The following SYNRG variants were observed in gnomAD, a reference collection of about 807,000 sequenced individuals.
SYNRG encodes the protein AP1 gamma subunit binding protein 1.
In SYNRG, 37 loss-of-function variants were observed where a neutral mutation model predicts 130.9. That is an observed-to-expected ratio of 0.28 (90% confidence interval 0.22 to 0.37). The LOEUF (loss-of-function observed/expected upper bound fraction) is 0.37. Ranked by LOEUF, SYNRG falls within the 10% of genes least tolerant of loss-of-function variation. The pLI is 1.00. For missense variants in SYNRG, 1,338 were observed against 1,588.9 expected (o/e 0.84, Z 2.68); for synonymous variants, 539 against 568.1 (o/e 0.95, Z 0.73).
chr17:37,542,586 C>A (rs769276080), intron 14 of SYNRG, 21 bp from the exon 15 acceptor site: 1 of 1,589,716 alleles, frequency 6.3e-7, no homozygotes, highest in Admixed American at 1.7e-5. Context: ...AATAAGACCC[C>A]ACAATTAGAG....
rs2057809309 is a variant in SYNRG, at chr17:37,542,070, C to G, written c.3104G>C (p.Ser1035Thr). ...AGTGGCTACTAAGAAGTCAAATTTG[C>G]TGATTTTGGGCTTTTCACTTTGAAA... ...GEFQSEKPKISKFDFLVATSQ... is the reference protein window; with the variant it reads ...GEFQSEKPKITKFDFLVATSQ... Residue 1035 changes from serine (S) to threonine (T), a missense_variant, in exon 15 of 22, where the codon AGC (serine) becomes ACC (threonine). By Grantham distance (58) the Ser-to-Thr change is moderately conservative (BLOSUM62 1). This residue lies in a region of SYNRG where 1,146 missense variants were observed against 1,342.3 expected (regional missense o/e 0.85). Transcript: ENST00000612223. 2.5e-6 allele frequency: 4 copies of G among 1,614,074 alleles called. No individual in the cohort carries two copies. Among genetic ancestry groups the G allele is most frequent in the Non-Finnish European group, 3.4e-6 (4 of 1,180,034 alleles).
At chr17:37,600,299 T>C in intron 2 of SYNRG, 64 bp downstream of exon 2, 2 of 1,417,440 alleles carry the variant, frequency 1.4e-6, no homozygotes, top group Non-Finnish European at 1.9e-6. Flanking sequence ...TTTACTTATT[T>C]AATTCCCAGA....
At chr17:37,548,581 G>A (rs536329391) in intron 14 of SYNRG, among the ~76,000 whole-genome samples, 3 of 152,254 alleles carry the variant, frequency 2.0e-5, no homozygotes, top group African/African-American at 7.2e-5. Flanking sequence ...ACTTTGGGAG[G>A]CCGAGGCAGG....
chr17:37,583,700 T>C (rs1002535542), intron 6 of SYNRG, among the ~76,000 whole-genome samples: 1 of 152,190 alleles, frequency 6.6e-6, no homozygotes, highest in Non-Finnish European at 1.5e-5. Flanking sequence ...ATTTGTTTTT[T>C]GTTGTTTTTT....
At chr17:37,557,051 A>AT (rs2059172762) in intron 13 of SYNRG, 1 of 152,214 alleles carries the variant, frequency 6.6e-6, no homozygotes, top group Non-Finnish European at 1.5e-5. Flanking sequence ...TTGGCAAATA[A>AT]ATTAGTCACA....
Position 37,595,482 on chromosome 17 carries a change from T to C in SYNRG, c.240+741A>G, listed in dbSNP as rs546816388. Among the ~76,000 whole-genome samples the C allele has an allele frequency of 2.0e-5, 3 of 152,094 alleles. No individual in the cohort carries two copies. In the South Asian group the frequency reaches 6.2e-4, roughly 32 times the overall value. On this transcript the variant is annotated intron_variant, in intron 3 of 21. Transcript: ENST00000612223. ...GACATAAAGACAGGCTCGACAGACA[T>C]TGGAGACTACAAGACGGGAGAAAGT... is the stretch of plus-strand genomic sequence containing the variant.
At chr17:37,592,685 T>C (rs1039998484) in intron 3 of SYNRG, among the ~76,000 whole-genome samples, 1 of 152,250 alleles carries the variant, frequency 6.6e-6, no homozygotes, top group Non-Finnish European at 1.5e-5. Context: ...GGTTAATGAT[T>C]CAATTTATAT....
At chr17:37,586,626 A>T (rs992019766) in intron 3 of SYNRG, 77 bp from the exon 4 acceptor site, 1 of 1,533,430 alleles carries the variant, frequency 6.5e-7, no homozygotes, top group Non-Finnish European at 8.9e-7. Context: ...GACTTCCATA[A>T]ATTCTATCTT....
intron 19 of SYNRG, among the ~76,000 whole-genome samples, chr17:37,533,598 T>G (rs1021644698): frequency 2.0e-5 from 3 of 148,816 alleles, no homozygotes; most frequent in Non-Finnish European, 4.5e-5. Flanking sequence ...CTTTTTTTTT[T>G]TTTTTTGAGA....
chr17:37,520,539 C>A lies in SYNRG; in HGVS notation c.3776G>T (p.Arg1259Leu). ...CTGCAAGGAGGCTGCGTGACTTACC[C>A]GGCTCCTCGAGTCCACATTCAAGAG... ...VCLLNVDSRSRKEEKPAEEHP... is the reference protein window; with the variant it reads ...VCLLNVDSRSLKEEKPAEEHP... The change falls in exon 20 of 22, where the codon CGG becomes CTG. Residue 1259 changes from arginine (R) to leucine (L), a missense_variant and splice_region_variant. Arg to Leu is a moderately radical substitution (Grantham distance 102). Coordinates refer to ENST00000612223, the MANE Select transcript of SYNRG (RefSeq NM_007247.6). 1 of 1,613,988 alleles carries A rather than the reference C, an allele frequency of 6.2e-7. No homozygotes were observed. Among genetic ancestry groups the A allele is most frequent in the South Asian group, 1.1e-5 (1 of 91,088 alleles).
intron 19 of SYNRG, among the ~76,000 whole-genome samples, chr17:37,525,534 C>G (rs1208768155): frequency 6.6e-6 from 1 of 152,188 alleles, no homozygotes; most frequent in Non-Finnish European, 1.5e-5. Context: ...AATAACTAAG[C>G]AAAAGTCACA....
intron 19 of SYNRG, 70 bp from the exon 20 acceptor site, chr17:37,520,718 C>T (rs2054908563): frequency 7.8e-7 from 1 of 1,287,610 alleles, no homozygotes. Context: ...ACTCCCTCAT[C>T]ACTCACCCCC....
intron 6 of SYNRG, among the ~76,000 whole-genome samples, chr17:37,577,975 C>G (rs2060987445): frequency 6.6e-6 from 1 of 151,070 alleles, no homozygotes; most frequent in African/African-American, 2.4e-5. Flanking sequence ...GCTGGGATTA[C>G]AGAAGTGAGC....
chr17:37,576,396 C>T lies in SYNRG; in HGVS notation c.846G>A (p.Gln282=). The T allele has an allele frequency of 6.2e-7, 1 of 1,613,872 alleles. No homozygotes were observed. The highest frequency in any genetic ancestry group is 1.1e-5 in the South Asian group (1 of 91,074). ...EESGVGVFPS[Q]DPAQPRMPPW... is the part of the protein sequence containing the mutation. ...GAGGCATTCTGGGCTGAGCAGGATC[C>T]TGTGAGGGAAATACTCCCACACCTA... Residue 282 remains glutamine, a synonymous_variant, in exon 8 of 22, where the codon CAG becomes CAA. Coordinates refer to ENST00000612223, the MANE Select transcript of SYNRG (RefSeq NM_007247.6).
At chr17:37,527,893 G>A (rs1044245168) in intron 19 of SYNRG, among the ~76,000 whole-genome samples, 1 of 152,238 alleles carries the variant, frequency 6.6e-6, no homozygotes, top group African/African-American at 2.4e-5. Flanking sequence ...AGTTTAAGAC[G>A]GTGTACCCTG....
chr17:37,549,550 T>C (rs545244567), intron 14 of SYNRG, among the ~76,000 whole-genome samples: 2 of 152,222 alleles, frequency 1.3e-5, no homozygotes, highest in South Asian at 4.1e-4. Context: ...ACAGAACACA[T>C]ACTGCAAACC....
chr17:37,538,232 A>C lies in SYNRG; in HGVS notation c.3517+92T>G. On this transcript the variant is annotated intron_variant, in intron 18 of 21. Coordinates refer to ENST00000612223, the MANE Select transcript of SYNRG (RefSeq NM_007247.6). ...ATGCTTCTTACTGAAGTCATATGTA[A>C]CTTGAGAGATCTAGCTTAAAATAAT... 5.4e-6 allele frequency: 5 copies of C among 929,226 alleles called. No homozygotes were observed. The South Asian group carries it at 8.7e-5, about 16-fold the overall frequency. The allele number at this position is 929,226 out of a possible 1,614,324, so 57.6% of individuals were successfully genotyped here.
intron 3 of SYNRG, among the ~76,000 whole-genome samples, chr17:37,589,815 A>T (rs559117331): frequency 7.0e-4 from 106 of 151,846 alleles, no homozygotes; most frequent in Non-Finnish European, 1.8e-4. Context: ...AACATAATAA[A>T]ATTACATCCT....
chr17:37,538,512 G>A (rs138139324), intron 17 of SYNRG, 92 bp from the exon 18 acceptor site: 3 of 812,256 alleles, frequency 3.7e-6, no homozygotes, highest in Non-Finnish European at 5.9e-6. Context: ...CGAAAAGCCA[G>A]GAGGTGTCAA....
Sources: allele counts gnomAD v4.1 joint callset (sites outside exome capture counted in the v4.1 genomes callset), GRCh38; gene constraint gnomAD v4.1.1; regional missense constraint gnomAD v4.1.1; transcripts MANE v1.5; gene names NCBI Gene and HGNC (gene_info 2026-07-23, HGNC 2026-07-21).